ABCC4: variants seen among roughly 807,000 people sequenced by gnomAD.
The protein encoded by ABCC4 is ATP-binding cassette sub-family C member 4.
ABCC4 carries 102 observed loss-of-function variants against 168.5 expected under a neutral mutation model. The observed-to-expected ratio is 0.61, with a 90% confidence interval of 0.52 to 0.71. The LOEUF is 0.71. Ranked by LOEUF, ABCC4 falls within the 30% of genes least tolerant of loss-of-function variation. The pLI is 0.00. For missense variants in ABCC4, 1,402 were observed against 1,605.8 expected (o/e 0.87, Z 2.17); for synonymous variants, 617 against 590.7 (o/e 1.04, Z -0.65).
At chr13:95,140,088 C>T (rs2036269042) in intron 19 of ABCC4, among the ~76,000 whole-genome samples, 1 of 152,198 alleles carries the variant, frequency 6.6e-6, no homozygotes, top group African/African-American at 2.4e-5. Flanking sequence ...TCAGTCTTAC[C>T]TTCAGTTCTG....
chr13:95,147,476 T>G (rs1033661336), intron 19 of ABCC4, among the ~76,000 whole-genome samples: 1 of 152,152 alleles, frequency 6.6e-6, no homozygotes, highest in Non-Finnish European at 1.5e-5. Context: ...TGTAGAAAGA[T>G]TGCCCAGAAT....
chr13:95,124,175 G>A (rs1406868632), intron 19 of ABCC4, among the ~76,000 whole-genome samples: 2 of 152,088 alleles, frequency 1.3e-5, no homozygotes, highest in Non-Finnish European at 2.9e-5. Flanking sequence ...CATTTAGGAG[G>A]GGCACAAGTG....
At chr13:95,022,973 C>T (rs1166072116) in intron 30 of ABCC4, among the ~76,000 whole-genome samples, 1 of 152,158 alleles carries the variant, frequency 6.6e-6, no homozygotes, top group Non-Finnish European at 1.5e-5. Context: ...GAGGCTATTT[C>T]CATTATAATG....
intron 21 of ABCC4, among the ~76,000 whole-genome samples, chr13:95,079,295 T>C (rs2034011197): frequency 6.6e-6 from 1 of 152,132 alleles, no homozygotes; most frequent in Non-Finnish European, 1.5e-5. Context: ...TAGGATACAC[T>C]CTACAGAGAT....
chr13:95,226,860 A>T (rs2039480805), intron 4 of ABCC4, among the ~76,000 whole-genome samples: 1 of 152,216 alleles, frequency 6.6e-6, no homozygotes, highest in South Asian at 2.1e-4. Flanking sequence ...AATGAGGGGG[A>T]TTAAACCCGC....
chr13:95,198,950 G>A (rs1213422788), intron 8 of ABCC4, among the ~76,000 whole-genome samples: 1 of 152,038 alleles, frequency 6.6e-6, no homozygotes, highest in Non-Finnish European at 1.5e-5. Flanking sequence ...ACACACCAGG[G>A]CCTGTCAGAG....
At chr13:95,114,111 T>A (rs1318995025) in intron 20 of ABCC4, among the ~76,000 whole-genome samples, 1 of 152,190 alleles carries the variant, frequency 6.6e-6, no homozygotes, top group Non-Finnish European at 1.5e-5. Context: ...AGAAATCAGC[T>A]AATTGGGGCC....
Position 95,225,151 on chromosome 13 carries a change from TCTCACACACACA to T in ABCC4, c.531+9447_531+9458del, listed in dbSNP as rs1309636552. On this transcript the variant is annotated intron_variant, in intron 4 of 30. Coordinates refer to ENST00000645237, the MANE Select transcript of ABCC4 (RefSeq NM_005845.5). ...CTGTCTGTCTGTCTGTCTCTCTCTC[TCTCACACACACA>T]CACACACACACACACACACACACAC... is the stretch of plus-strand genomic sequence containing the variant. Among the ~76,000 whole-genome samples, 78 of 30,628 alleles carry T rather than the reference TCTCACACACACA, an allele frequency of 2.5e-3. 1 individual carries two copies. The highest frequency in any genetic ancestry group is 0.013 in the Admixed American group (35 of 2,636). 20.1% of individuals were successfully genotyped at this position (30,628 alleles called of 152,430 possible). A position where few individuals can be genotyped will look rare whatever the true frequency, so the allele number is the denominator to read the frequency against.
At chr13:95,064,073 A>G (rs1343835126) in intron 25 of ABCC4, among the ~76,000 whole-genome samples, 1 of 152,162 alleles carries the variant, frequency 6.6e-6, no homozygotes, top group Non-Finnish European at 1.5e-5. Flanking sequence ...CAATAATGGC[A>G]TTTCCACAAG....
At chr13:95,262,148 C>G (rs1309991332) in intron 1 of ABCC4, among the ~76,000 whole-genome samples, 1 of 152,172 alleles carries the variant, frequency 6.6e-6, no homozygotes, top group Non-Finnish European at 1.5e-5. Flanking sequence ...CCTGGGAGCA[C>G]AGCCCTGGGG....
chr13:95,253,399 G>A (rs957400226), intron 1 of ABCC4, among the ~76,000 whole-genome samples: 1 of 151,876 alleles, frequency 6.6e-6, no homozygotes, highest in Non-Finnish European at 1.5e-5. Context: ...CAACATGCTG[G>A]GCACATAGAA....
chr13:95,132,438 A>G (rs2036000367), intron 19 of ABCC4, among the ~76,000 whole-genome samples: 1 of 151,764 alleles, frequency 6.6e-6, no homozygotes, highest in Non-Finnish European at 1.5e-5. Flanking sequence ...CTGGTCTCGA[A>G]CTCCTGGCCT....
chr13:95,241,297 A>G (rs573591451), intron 3 of ABCC4, among the ~76,000 whole-genome samples: 1 of 151,890 alleles, frequency 6.6e-6, no homozygotes, highest in South Asian at 2.1e-4. Flanking sequence ...CCTGGGAGGC[A>G]GAGGTTGCAG....
chr13:95,179,646 T>C lies in ABCC4; in HGVS notation c.1546-1555A>G, dbSNP rs922161781. Among the ~76,000 whole-genome samples, 4 of 152,204 alleles carry C rather than the reference T, an allele frequency of 2.6e-5. No individual in the cohort carries two copies. In the South Asian group the frequency reaches 8.3e-4, roughly 31 times the overall value. ...CCTATAATTATCACTAGACAGATCC[T>C]AGCATAGACAAAAGGTGTGGAGAAC... is the stretch of plus-strand genomic sequence containing the variant. On this transcript the variant is annotated intron_variant, in intron 11 of 30. Coordinates refer to ENST00000645237, the MANE Select transcript of ABCC4 (RefSeq NM_005845.5).
At chr13:95,170,869 T>C (rs780334291) in intron 13 of ABCC4, among the ~76,000 whole-genome samples, 1 of 152,120 alleles carries the variant, frequency 6.6e-6, no homozygotes, top group Non-Finnish European at 1.5e-5. Context: ...GCAATAAGTG[T>C]AATTTTTTTT....
intron 19 of ABCC4, among the ~76,000 whole-genome samples, chr13:95,125,212 C>A (rs2035715916): frequency 6.6e-6 from 1 of 152,270 alleles, no homozygotes; most frequent in East Asian, 1.9e-4. Flanking sequence ...CATGTCAACA[C>A]CTCCATGACA....
At chr13:95,075,397 C>G (rs756605391) in intron 22 of ABCC4, 35 bp downstream of exon 22, 1 of 1,613,450 alleles carries the variant, frequency 6.2e-7, no homozygotes. Context: ...GCAGCAGATC[C>G]TGTCCTTTGA....
intron 1 of ABCC4, among the ~76,000 whole-genome samples, chr13:95,299,835 C>T (rs2041629673): frequency 6.6e-6 from 1 of 151,982 alleles, no homozygotes; most frequent in Non-Finnish European, 1.5e-5. Context: ...GACGGAATTC[C>T]CCCACACACA....
intron 1 of ABCC4, among the ~76,000 whole-genome samples, chr13:95,251,333 TCTC>T (rs752186838): frequency 2.0e-5 from 3 of 152,152 alleles, no homozygotes; most frequent in Non-Finnish European, 4.4e-5. Flanking sequence ...CTATTTCTCT[TCTC>T]CTCCTCTTTC....
Sources: gnomAD v4.1 joint callset for allele counts (sites outside exome capture counted in the v4.1 genomes callset) on GRCh38, gnomAD v4.1.1 for gene constraint, MANE v1.5 for transcripts, NCBI Gene and HGNC (gene_info 2026-07-23, HGNC 2026-07-21) for gene names.